MOV10: variants seen among roughly 807,000 people sequenced by gnomAD.
The protein encoded by MOV10 is Mov10 RNA helicase.
Under a neutral mutation model 108.4 loss-of-function variants are expected in MOV10, and 39 were observed. The ratio of observed to expected loss-of-function variants is 0.36; its 90% CI spans 0.28 to 0.47. The LOEUF is 0.47. Among genes scored for constraint, MOV10 ranks in the 20% least tolerant of loss-of-function variants. MOV10 has a pLI of 1.00. For missense variants in MOV10, 952 were observed against 1,297.6 expected (o/e 0.73, Z 4.09); for synonymous variants, 490 against 523.1 (o/e 0.94, Z 0.86).
Position 112,695,366 on chromosome 1 carries a change from G to A in MOV10, c.1621-50G>A, listed in dbSNP as rs776708856. 1.1e-5 allele frequency: 18 copies of A among 1,595,036 alleles called. No homozygotes were observed. In the Middle Eastern group the frequency reaches 5.0e-4, roughly 45 times the overall value. ...ACTTGCCCTGCCCCAGCCTGGGTACGGCTGAGTCTCAGGAACCTGCCTCCC... is the reference window on the plus strand; with the variant it reads ...ACTTGCCCTGCCCCAGCCTGGGTACAGCTGAGTCTCAGGAACCTGCCTCCC... On this transcript the variant is annotated intron_variant, in intron 10 of 20. Transcript: ENST00000369645.
chr1:112,678,681 T>G (rs1223118602), intron 2 of MOV10, among the ~76,000 whole-genome samples: 2 of 151,998 alleles, frequency 1.3e-5, no homozygotes, highest in African/African-American at 4.8e-5. Flanking sequence ...GAACAGCACC[T>G]TCAAAGGCTT....
At position 112,694,950 on chromosome 1, in the gene MOV10, C is replaced by A. The variant is rs1049914623; in HGVS notation, c.1620+54C>A. On this transcript the variant is annotated intron_variant, in intron 10 of 20. Transcript: ENST00000369645. The surrounding 1 kb of genome is among the most constrained non-coding windows in gnomAD (Gnocchi z 4.1). ...GCACTCTGATTCCCCCAGCACCAAG[C>A]AGTTGTCCCCAGATTCTAGTTCCTT... 2 of 1,547,340 alleles carry A rather than the reference C, an allele frequency of 1.3e-6. No homozygotes were observed. The highest frequency in any genetic ancestry group is 1.4e-5 in the African/African-American group (1 of 72,782).
chr1:112,696,389 G>A (rs202092774), intron 12 of MOV10, 48 bp from the exon 13 acceptor site: 2 of 1,503,048 alleles, frequency 1.3e-6, no homozygotes, highest in East Asian at 4.5e-5. Context: ...TTCAGGTTTG[G>A]TAGTTGGGTG....
chr1:112,691,948 G>A, intron 6 of MOV10, 149 bp downstream of exon 6: 5 of 845,312 alleles, frequency 5.9e-6, no homozygotes, highest in Non-Finnish European at 9.0e-6. Context: ...ACCATTCAAG[G>A]TGAACCAGTC....
chr1:112,689,717 G>T, intron 4 of MOV10, 67 bp downstream of exon 4: 1 of 1,590,502 alleles, frequency 6.3e-7, no homozygotes, highest in Non-Finnish European at 8.6e-7. Context: ...TTATGCTTTG[G>T]GAAACACACT....
At chr1:112,698,625 CTT>C in intron 16 of MOV10, 88 bp from the exon 17 acceptor site, 9 of 1,490,570 alleles carry the variant, frequency 6.0e-6, no homozygotes, top group Non-Finnish European at 8.4e-6. Flanking sequence ...TGCCGCCTCC[CTT>C]TGTTCCCCAG....
Position 112,694,682 on chromosome 1 carries a change from G to A in MOV10, c.1472+53G>A. The stretch of plus-strand genomic sequence containing the variant: ...AGCCACTTGGAGTGTGGGCACAGGG[G>A]GTGGAGTCAGGGAGGCCTCTGGGTC... On this transcript the variant is annotated intron_variant, in intron 9 of 20. Transcript: ENST00000369645. The surrounding 1 kb of genome is among the most constrained non-coding windows in gnomAD (Gnocchi z 4.1). 1.3e-6 allele frequency: 2 copies of A among 1,594,174 alleles called. No individual in the cohort carries two copies. The highest frequency in any genetic ancestry group is 1.7e-6 in the Non-Finnish European group (2 of 1,167,796).
chr1:112,699,495 C>T (rs1011523279), intron 17 of MOV10, 190 bp from the exon 18 acceptor site: 3 of 1,434,980 alleles, frequency 2.1e-6, no homozygotes, highest in Non-Finnish European at 2.7e-6. Flanking sequence ...AGGATTCAAC[C>T]TTCATGTTTC....
intron 2 of MOV10, among the ~76,000 whole-genome samples, chr1:112,678,684 A>T (rs1672390056): frequency 6.6e-6 from 1 of 152,062 alleles, no homozygotes; most frequent in Non-Finnish European, 1.5e-5. Flanking sequence ...CAGCACCTTC[A>T]AAGGCTTGGG....
Position 112,674,709 on chromosome 1 carries a change from G to C in MOV10, c.-86G>C. The C allele has an allele frequency of 2.0e-6, 1 of 511,884 alleles. No individual in the cohort carries two copies. The highest frequency in any genetic ancestry group is 3.4e-6 in the Non-Finnish European group (1 of 295,896). 31.7% of individuals were successfully genotyped at this position (511,884 alleles called of 1,614,324 possible). ...GAAGAGGGGGAGGGGATAGGACGAA[G>C]AAACCGAAGGGAAAGCTCAGGTAAG... On this transcript the variant is annotated 5_prime_UTR_variant, in exon 1 of 21. Coordinates refer to ENST00000369645, the MANE Select transcript of MOV10 (RefSeq NM_001321324.2).
chr1:112,674,457 C>T (rs900429923), upstream of MOV10: 1 of 152,796 alleles, frequency 6.5e-6, no homozygotes, highest in African/African-American at 2.4e-5. Context: ...CGCAGCCGAC[C>T]TAGATCCCAG....
At position 112,689,626 on chromosome 1, in the gene MOV10, G is replaced by A. The variant is rs371779632; in HGVS notation, c.553G>A (p.Glu185Lys). ...GTTTGCTTTCTACAATGAAGACCAG[G>A]AGTTGCCCTGTCCACTGGGCCCCGG... is the stretch of plus-strand genomic sequence containing the variant. ...PQFAFYNEDQ[E>K]LPCPLGPGEC... is the part of the protein sequence containing the mutation. The change falls in exon 4 of 21, where the codon GAG becomes AAG. Residue 185 changes from glutamate (E) to lysine (K), a missense_variant. This residue lies in a region of MOV10 where 374 missense variants were observed against 468.6 expected (regional missense o/e 0.80). Coordinates refer to ENST00000369645, the MANE Select transcript of MOV10 (RefSeq NM_001321324.2). The A allele has an allele frequency of 8.1e-6, 13 of 1,614,204 alleles. No homozygotes were observed. The African/African-American group carries it at 1.7e-4, about 22-fold the overall frequency.
chr1:112,696,302 G>T (rs374020727), intron 12 of MOV10, 51 bp downstream of exon 12: 27 of 1,476,678 alleles, frequency 1.8e-5, no homozygotes, highest in Non-Finnish European at 1.0e-5. Flanking sequence ...AATTAAAGGG[G>T]TACCGGGCTG....
intron 17 of MOV10, 54 bp from the exon 18 acceptor site, chr1:112,699,631 G>C: frequency 6.2e-7 from 1 of 1,610,942 alleles, no homozygotes; most frequent in Non-Finnish European, 8.5e-7. Flanking sequence ...CCTGGGGTAG[G>C]GCACCCCTTT....
At position 112,700,669 on chromosome 1, in the gene MOV10, A is replaced by T. The variant is rs1674571084; in HGVS notation, c.*162A>T. 1 of 1,533,558 alleles carries T rather than the reference A, an allele frequency of 6.5e-7. No individual in the cohort carries two copies. The highest frequency in any genetic ancestry group is 2.1e-5 in the Admixed American group (1 of 47,394). The allele number at this position is 1,533,558 out of a possible 1,614,324, so 95.0% of individuals were successfully genotyped here. ...CCTCCCCTGCTGGGGAGAATGACACATCAAGCTGCTAACAATTGGGGGAAG... is the reference window on the plus strand; with the variant it reads ...CCTCCCCTGCTGGGGAGAATGACACTTCAAGCTGCTAACAATTGGGGGAAG... On this transcript the variant is annotated 3_prime_UTR_variant, in exon 21 of 21. Coordinates refer to ENST00000369645, the MANE Select transcript of MOV10 (RefSeq NM_001321324.2).
At position 112,696,495 on chromosome 1, in the gene MOV10, G is replaced by A. The variant is rs1674100642; in HGVS notation, c.1942G>A (p.Gly648Ser). The change falls in exon 13 of 21, where the codon GGC (glycine) becomes AGC (serine). Residue 648 changes from glycine to serine, a missense_variant. Gly to Ser is a moderately conservative substitution (Grantham distance 56). Coordinates refer to ENST00000369645, the MANE Select transcript of MOV10 (RefSeq NM_001321324.2). ...HFTHIFIDEA[G>S]HCMEPESLVA... ...CACACACATCTTCATCGATGAGGCT[G>A]GCCACTGCATGGAGCCTGAGAGTCT... 6 of 1,613,984 alleles carry A rather than the reference G, an allele frequency of 3.7e-6. No individual in the cohort carries two copies. The highest frequency in any genetic ancestry group is 1.3e-5 in the African/African-American group (1 of 74,908).
In MOV10 at chr1:112,689,493, T is replaced by G; in HGVS notation, c.420T>G (p.Leu140=). The change falls in exon 4 of 21, where the codon CTT becomes CTG. Residue 140 remains leucine (L), a synonymous_variant. Coordinates refer to ENST00000369645, the MANE Select transcript of MOV10 (RefSeq NM_001321324.2). ...GPHEARDGQL[L]IRLDLNRKEV... ...ATGAAGCCCGAGATGGGCAGCTCCT[T>G]ATCCGCCTGGATTTGAACCGCAAAG... 6.2e-7 allele frequency: 1 copy of G among 1,613,104 alleles called. No individual in the cohort carries two copies. Among genetic ancestry groups the G allele is most frequent in the Non-Finnish European group, 8.5e-7 (1 of 1,179,474 alleles).
In MOV10 at chr1:112,695,531, T is replaced by A. The variant is rs151323201; in HGVS notation, c.1736T>A (p.Leu579Gln). 61 of 1,614,036 alleles carry A rather than the reference T, an allele frequency of 3.8e-5. No individual in the cohort carries two copies. The highest frequency in any genetic ancestry group is 5.1e-5 in the Non-Finnish European group (60 of 1,180,030). The change falls in exon 11 of 21, where the codon CTG becomes CAG. Residue 579 changes from leucine to glutamine, a missense_variant. Around this residue, in one of 5 missense-constraint regions of MOV10, gnomAD observed 453 missense variants for 611.5 expected, o/e 0.74. Transcript: ENST00000369645. ...VHLPSSIYRL[L>Q]APSRDIRMVP... ...CTTCCTAGCTCCATCTACCGCCTCC[T>A]GGCCCCCAGCAGGGACATCCGCATG...
rs558126860 is a variant in MOV10, at chr1:112,676,733, C to A, written c.137+1684C>A. 2.0e-5 allele frequency among the ~76,000 whole-genome samples: 3 copies of A among 152,116 alleles called. No homozygotes were observed. The East Asian group carries it at 5.8e-4, about 29-fold the overall frequency. On this transcript the variant is annotated intron_variant, in intron 2 of 20. Coordinates refer to ENST00000369645, the MANE Select transcript of MOV10 (RefSeq NM_001321324.2). Reference sequence around the variant, plus strand: ...ATGAGGAACTTGATCAGATATCAAGCGTGGTCATGCATCAAGGGTGAGGAG... The same window carrying A: ...ATGAGGAACTTGATCAGATATCAAGAGTGGTCATGCATCAAGGGTGAGGAG...
Sources: allele counts gnomAD v4.1 joint callset (sites outside exome capture counted in the v4.1 genomes callset), GRCh38; gene constraint gnomAD v4.1.1; regional missense constraint gnomAD v4.1.1; non-coding constraint Gnocchi (gnomAD v3.1); transcripts MANE v1.5; gene names NCBI Gene and HGNC (gene_info 2026-07-23, HGNC 2026-07-21).